The following TAF4B variants were observed in gnomAD, a reference collection of about 807,000 sequenced individuals.
TAF4B encodes transcription initiation factor TFIID subunit 4B.
A neutral mutation model predicts 86.4 loss-of-function variants in TAF4B; 38 were observed. That is an observed-to-expected ratio of 0.44 (90% CI 0.34 to 0.58). The LOEUF (loss-of-function observed/expected upper bound fraction) is 0.58, where lower values mean the gene tolerates loss of function less well. Among genes scored for constraint, TAF4B ranks in the 20% least tolerant of loss-of-function variants. The pLI is 0.02. For missense variants in TAF4B, 988 were observed against 1,027.6 expected, an observed-to-expected ratio of 0.96 and a Z score of 0.53; for synonymous variants, 388 against 391.2, an observed-to-expected ratio of 0.99 and a Z score of 0.10.
Position 26,310,957 on chromosome 18 carries a change from T to G in TAF4B, c.1833-4272T>G, listed in dbSNP as rs184047906. ...CATACATAATGTTTTGCTTTTTTTG[T>G]TTTTTTTTTAACCACTTAATAGTAA... On this transcript the variant is annotated intron_variant, in intron 9 of 14. Transcript: ENST00000269142. Among the ~76,000 whole-genome samples the G allele has an allele frequency of 3.9e-3, 539 of 136,502 alleles. 1 individual carries two copies. The highest frequency in any genetic ancestry group is 6.7e-3 in the Non-Finnish European group (396 of 59,118). The allele number at this position is 136,502 out of a possible 152,430, so 89.6% of individuals were successfully genotyped here.
intron 9 of TAF4B, among the ~76,000 whole-genome samples, chr18:26,300,549 C>G (rs562898110): frequency 7.8e-6 from 1 of 128,202 alleles, no homozygotes; most frequent in African/African-American, 3.0e-5. Flanking sequence ...TGATGCTTTT[C>G]TGGAATATTT....
At chr18:26,357,165 G>A (rs2057294674) in intron 13 of TAF4B, among the ~76,000 whole-genome samples, 1 of 152,050 alleles carries the variant, frequency 6.6e-6, no homozygotes, top group East Asian at 1.9e-4. Context: ...ACCTCTTAGA[G>A]CCTTACTGTC....
In TAF4B at chr18:26,347,024, C is replaced by T. The variant is rs1235554291; in HGVS notation, c.2317-10666C>T. On this transcript the variant is annotated intron_variant, in intron 13 of 14. Coordinates refer to ENST00000269142, the MANE Select transcript of TAF4B (RefSeq NM_005640.3). ...CAACCTCCGCCTCCTGGGTTCATGCCATTCTCCTGCGTCAGCCTCCCAAGT... is the reference window on the plus strand; with the variant it reads ...CAACCTCCGCCTCCTGGGTTCATGCTATTCTCCTGCGTCAGCCTCCCAAGT... 8.8e-5 allele frequency among the ~76,000 whole-genome samples: 13 copies of T among 147,202 alleles called. No homozygotes were observed. The Admixed American group carries it at 8.9e-4, about 10-fold the overall frequency.
chr18:26,326,725 C>G (rs1387093783), intron 11 of TAF4B, among the ~76,000 whole-genome samples: 1 of 152,124 alleles, frequency 6.6e-6, no homozygotes, highest in Non-Finnish European at 1.5e-5. Flanking sequence ...TTGGAAGGAT[C>G]TGCTTGGCTT....
At chr18:26,261,913 G>C (rs1345184607) in intron 1 of TAF4B, among the ~76,000 whole-genome samples, 1 of 152,158 alleles carries the variant, frequency 6.6e-6, no homozygotes, top group Non-Finnish European at 1.5e-5. Context: ...GGGAGATATT[G>C]GGAGCAGAGG....
chr18:26,351,360 G>A (rs1048681640), intron 13 of TAF4B, among the ~76,000 whole-genome samples: 5 of 152,182 alleles, frequency 3.3e-5, no homozygotes, highest in Non-Finnish European at 7.4e-5. Context: ...AGTAGAGGAT[G>A]GAAAGGGTCT....
chr18:26,357,221 A>G (rs1015591393), intron 13 of TAF4B, among the ~76,000 whole-genome samples: 4 of 152,178 alleles, frequency 2.6e-5, no homozygotes, highest in African/African-American at 9.7e-5. Flanking sequence ...TATTATAGCA[A>G]TCACCTTTCA....
At chr18:26,357,483 G>C (rs1037072094) in intron 13 of TAF4B, among the ~76,000 whole-genome samples, 7 of 152,038 alleles carry the variant, frequency 4.6e-5, no homozygotes, top group African/African-American at 1.4e-4. Context: ...CCTGAGTTCT[G>C]CCTCTTCCAT....
chr18:26,328,055 T>C (rs998913692), intron 12 of TAF4B, among the ~76,000 whole-genome samples: 7 of 152,246 alleles, frequency 4.6e-5, no homozygotes, highest in African/African-American at 1.7e-4. Context: ...GGAGTCTTAA[T>C]TTTTGTTTTA....
At chr18:26,246,902 G>T (rs1218185663) in intron 1 of TAF4B, among the ~76,000 whole-genome samples, 1 of 151,170 alleles carries the variant, frequency 6.6e-6, no homozygotes, top group Non-Finnish European at 1.5e-5. Context: ...CCAGGTTGGA[G>T]TGCAGTGGCA....
intron 5 of TAF4B, among the ~76,000 whole-genome samples, chr18:26,278,276 T>A (rs1480541444): frequency 6.6e-6 from 1 of 152,152 alleles, no homozygotes; most frequent in Non-Finnish European, 1.5e-5. Context: ...CATCCAAGGA[T>A]GTTTCAAAGT....
intron 13 of TAF4B, among the ~76,000 whole-genome samples, chr18:26,347,086 A>C (rs1160543359): frequency 6.7e-6 from 1 of 149,644 alleles, no homozygotes; most frequent in Non-Finnish European, 1.5e-5. Flanking sequence ...AAGCCCAGCT[A>C]ATGTTTTGTA....
At chr18:26,227,791 A>G (rs1417088199) in intron 1 of TAF4B, among the ~76,000 whole-genome samples, 1 of 152,252 alleles carries the variant, frequency 6.6e-6, no homozygotes, top group African/African-American at 2.4e-5. Context: ...TGCTGGGATT[A>G]CAGGCGTGAG....
intron 14 of TAF4B, among the ~76,000 whole-genome samples, chr18:26,371,307 T>C (rs1334699772): frequency 6.6e-6 from 1 of 152,220 alleles, no homozygotes; most frequent in Non-Finnish European, 1.5e-5. Flanking sequence ...AAAACTGTGG[T>C]CCCCTGTAGC....
At chr18:26,268,775 A>G (rs563082456) in intron 3 of TAF4B, among the ~76,000 whole-genome samples, 7 of 152,264 alleles carry the variant, frequency 4.6e-5, no homozygotes, top group Admixed American at 1.3e-4. Context: ...AAGGAACCAT[A>G]GTGCAGCCAT....
intron 14 of TAF4B, among the ~76,000 whole-genome samples, chr18:26,371,973 C>G (rs2057408767): frequency 2.0e-5 from 3 of 152,126 alleles, no homozygotes. Flanking sequence ...GATTGGTAGA[C>G]ACTGGGGCTC....
chr18:26,259,074 T>C (rs2144520761), intron 1 of TAF4B, among the ~76,000 whole-genome samples: 1 of 152,176 alleles, frequency 6.6e-6, no homozygotes, highest in South Asian at 2.1e-4. Context: ...GGCGTGGGGA[T>C]CTCTTTGCGT....
intron 14 of TAF4B, among the ~76,000 whole-genome samples, chr18:26,367,013 G>A (rs942704949): frequency 1.3e-5 from 2 of 152,148 alleles, no homozygotes; most frequent in Non-Finnish European, 2.9e-5. Flanking sequence ...TAATTAGTAA[G>A]TAGAAGAACC....
At chr18:26,305,748 T>C (rs989075886) in intron 9 of TAF4B, among the ~76,000 whole-genome samples, 73 of 152,256 alleles carry the variant, frequency 4.8e-4, no homozygotes, top group African/African-American at 1.7e-3. Context: ...AGCCCATAGT[T>C]AAAGTAAGTC....
Sources: allele counts gnomAD v4.1 joint callset (sites outside exome capture counted in the v4.1 genomes callset), GRCh38; gene constraint gnomAD v4.1.1; transcripts MANE v1.5; gene names NCBI Gene and HGNC (gene_info 2026-07-23, HGNC 2026-07-21).